The following WNT7B variants were observed in gnomAD, a reference collection of about 807,000 sequenced individuals.
The protein encoded by WNT7B is protein Wnt-7b.
Under a neutral mutation model 38.2 loss-of-function variants are expected in WNT7B, and 19 were observed. That is an observed-to-expected ratio of 0.50 (90% CI 0.35 to 0.73). The LOEUF (loss-of-function observed/expected upper bound fraction) is 0.73. Among genes scored for constraint, WNT7B ranks in the 30% least tolerant of loss-of-function variants. The pLI is 0.01. For synonymous variants in WNT7B, 243 were observed against 209.3 expected, an observed-to-expected ratio of 1.16 and a Z score of -1.39; for missense variants, 423 against 507.9, an observed-to-expected ratio of 0.83 and a Z score of 1.61.
intron 3 of WNT7B, among the ~76,000 whole-genome samples, chr22:45,930,467 C>G (rs1015681840): frequency 6.6e-6 from 1 of 152,248 alleles, no homozygotes; most frequent in Non-Finnish European, 1.5e-5. Context: ...GCAGCTGCTC[C>G]TCCCAGCCCA....
At chr22:45,939,674 A>AG (rs1569115552) in intron 2 of WNT7B, among the ~76,000 whole-genome samples, 1 of 107,630 alleles carries the variant, frequency 9.3e-6, no homozygotes, top group Non-Finnish European at 1.9e-5. Context: ...CACACACAAA[A>AG]ATAGCCAGGT....
At chr22:45,974,804 G>A (rs952130801) in intron 1 of WNT7B, among the ~76,000 whole-genome samples, 1 of 152,126 alleles carries the variant, frequency 6.6e-6, no homozygotes, top group Non-Finnish European at 1.5e-5. Context: ...ACCTCTCTCA[G>A]ACACTGGCCA....
Position 45,931,236 on chromosome 22 carries a change from G to C in WNT7B, c.432C>G (p.Ala144=), listed in dbSNP as rs775527665. Residue 144 remains alanine, a synonymous_variant, in exon 3 of 4, where the codon GCC becomes GCG. Transcript: ENST00000339464. ...AGCAGCCGCCCCACTTCCAGCCCTC[G>C]GCTTGGTTGTAGTAGCCCTGCTTCT... ...DREKQGYYNQ[A]EGWKWGGCSA... is the part of the protein sequence containing the mutation. The C allele has an allele frequency of 1.9e-6, 3 of 1,599,188 alleles. No homozygotes were observed. The highest frequency in any genetic ancestry group is 2.7e-5 in the African/African-American group (2 of 74,936).
intron 3 of WNT7B, among the ~76,000 whole-genome samples, chr22:45,930,139 C>A (rs57151368): frequency 0.18 from 27,131 of 152,212 alleles, 2,537 homozygotes; most frequent in Middle Eastern, 0.24. Context: ...CACAACCAAG[C>A]CCTCACCGTC....
At chr22:45,953,560 C>A (rs760996193) in intron 1 of WNT7B, among the ~76,000 whole-genome samples, 2 of 152,054 alleles carry the variant, frequency 1.3e-5, no homozygotes, top group African/African-American at 4.8e-5. Context: ...GACAAACAAC[C>A]CAGTGTTACA....
Position 45,976,900 on chromosome 22 carries a change from C to T in WNT7B, c.-146G>A, listed in dbSNP as rs867312181. On this transcript the variant is annotated 5_prime_UTR_variant, in exon 1 of 4. Transcript: ENST00000339464. The surrounding 1 kb of genome is among the most constrained non-coding windows in gnomAD (Gnocchi z 8.5). ...GGGCGGCCGGCGACGCGCGGGCACT[C>T]GGCGCGCGCTGCCACCATGGTGAGC... The T allele has an allele frequency of 7.6e-5, 76 of 996,680 alleles. No homozygotes were observed. In the South Asian group the frequency reaches 3.0e-3, roughly 40 times the overall value. 61.7% of individuals were successfully genotyped at this position (996,680 alleles called of 1,614,324 possible).
rs1930969957 is a variant in WNT7B, at chr22:45,922,943, C to T, written c.963G>A (p.Val321=). ...AGTGGAATTTGCAGTTGCACTGCCA[C>T]ACCTTGGTGTACTGGTGGGTGTTGT... ...RGYNTHQYTK[V]WQCNCKFHWC... The change falls in exon 4 of 4, where the codon GTG becomes GTA. Residue 321 remains valine, a synonymous_variant. Transcript: ENST00000339464. 10 of 1,613,326 alleles carry T rather than the reference C, an allele frequency of 6.2e-6. No individual in the cohort carries two copies. The highest frequency in any genetic ancestry group is 8.5e-6 in the Non-Finnish European group (10 of 1,179,752).
Position 45,921,943 on chromosome 22 carries a change from TAG to T in WNT7B, c.*911_*912del, listed in dbSNP as rs1354392701. ...GCCCAGCTAATTTTTGTATTTTTAG[TAG>T]AGACAGGGTTTCACCACGTTGGCCA... On this transcript the variant is annotated 3_prime_UTR_variant, in exon 4 of 4. Transcript: ENST00000339464. The T allele has an allele frequency of 6.6e-6, 1 of 152,064 alleles. No individual in the cohort carries two copies. The highest frequency in any genetic ancestry group is 1.5e-5 in the Non-Finnish European group (1 of 68,018). 9.4% of individuals were successfully genotyped at this position (152,064 alleles called of 1,614,324 possible).
chr22:45,963,160 C>T (rs767579777), intron 1 of WNT7B, among the ~76,000 whole-genome samples: 1 of 152,172 alleles, frequency 6.6e-6, no homozygotes, highest in Non-Finnish European at 1.5e-5. Flanking sequence ...TCTCAGACAG[C>T]ATGTGAGCCA....
chr22:45,926,017 A>C, intron 3 of WNT7B: 1 of 985,352 alleles, frequency 1.0e-6, no homozygotes, highest in African/African-American at 1.7e-5. Context: ...AAGGCCAGGG[A>C]ACCCAGCTGC....
intron 1 of WNT7B, among the ~76,000 whole-genome samples, chr22:45,956,082 C>G (rs556707937): frequency 1.1e-3 from 161 of 152,270 alleles, no homozygotes; most frequent in African/African-American, 3.9e-3. Context: ...AGGTGACAGA[C>G]GAGAGCAGGA....
rs903491837 is a variant in WNT7B at position 45,924,759 on chromosome 22, G to A, written c.571-1424C>T. Among the ~76,000 whole-genome samples, 7 of 150,230 alleles carry A rather than the reference G, an allele frequency of 4.7e-5. No individual in the cohort carries two copies. In the South Asian group the frequency reaches 8.5e-4, roughly 18 times the overall value. On this transcript the variant is annotated intron_variant, in intron 3 of 3. Transcript: ENST00000339464. Reference sequence around the variant, plus strand: ...CAGGTGGGTGCCGGGCGGGCCCTAGGCTGGCAGGTGGGTGCCGGGGGACCC... The same window carrying A: ...CAGGTGGGTGCCGGGCGGGCCCTAGACTGGCAGGTGGGTGCCGGGGGACCC...
At chr22:45,933,786 G>T (rs1271182536) in intron 2 of WNT7B, among the ~76,000 whole-genome samples, 1 of 152,194 alleles carries the variant, frequency 6.6e-6, no homozygotes, top group Non-Finnish European at 1.5e-5. Flanking sequence ...TGACAGGCGT[G>T]CACTCCCGGC....
chr22:45,931,489 T>C (rs1931357953), intron 2 of WNT7B, 120 bp from the exon 3 acceptor site: 1 of 1,225,988 alleles, frequency 8.2e-7, no homozygotes, highest in Non-Finnish European at 1.1e-6. Flanking sequence ...CCTGGGCTCA[T>C]CGCTCGCCCC....
intron 1 of WNT7B, among the ~76,000 whole-genome samples, chr22:45,974,473 G>C (rs1162976709): frequency 6.6e-6 from 1 of 152,238 alleles, no homozygotes; most frequent in Non-Finnish European, 1.5e-5. Context: ...GCTGAGCCTC[G>C]AGGGAGGGAT....
At chr22:45,972,937 AGTGTCCTGAGCCTCTGCCCCCGT>A (rs1247114068) in intron 1 of WNT7B, among the ~76,000 whole-genome samples, 4 of 152,214 alleles carry the variant, frequency 2.6e-5, no homozygotes, top group Admixed American at 1.3e-4. Context: ...AGATGCATTG[AGTGTCCTGAGCCTCTGCCCCCGT>A]GTGCCCTGGG....
chr22:45,947,304 G>A (rs537520119), intron 2 of WNT7B, among the ~76,000 whole-genome samples: 1 of 152,370 alleles, frequency 6.6e-6, no homozygotes, highest in Admixed American at 6.5e-5. Flanking sequence ...TGGAGGAAGA[G>A]CTTCTGTTTA....
At chr22:45,945,536 T>G (rs1030425344) in intron 2 of WNT7B, among the ~76,000 whole-genome samples, 4 of 152,256 alleles carry the variant, frequency 2.6e-5, no homozygotes, top group Middle Eastern at 3.2e-3. Flanking sequence ...TTACGGCACA[T>G]GTCGGTTGGT....
At chr22:45,970,535 C>G (rs1391881790) in intron 1 of WNT7B, among the ~76,000 whole-genome samples, 8 of 151,968 alleles carry the variant, frequency 5.3e-5, no homozygotes, top group African/African-American at 1.9e-4. Context: ...TTACCCCAAC[C>G]CCCAACCCCC....
Sources: gnomAD v4.1 joint callset for allele counts (sites outside exome capture counted in the v4.1 genomes callset) on GRCh38, gnomAD v4.1.1 for gene constraint, Gnocchi (gnomAD v3.1) non-coding constraint, MANE v1.5 for transcripts, NCBI Gene and HGNC (gene_info 2026-07-23, HGNC 2026-07-21) for gene names.